BBS7: variants seen among roughly 807,000 people sequenced by gnomAD.
BBS7 encodes the protein Bardet-Biedl syndrome 7, also known as BBSome complex member BBS7.
Under a neutral mutation model 90.3 loss-of-function variants are expected in BBS7, and 50 were observed. That is an observed-to-expected ratio of 0.55 (90% CI 0.44 to 0.70). The LOEUF (loss-of-function observed/expected upper bound fraction) is 0.70, where lower values mean the gene tolerates loss of function less well. BBS7 is among the 30% of genes least tolerant of loss of function. The probability of loss-of-function intolerance (pLI) is 0.00; values close to 1 mark genes in which losing one functional copy is unlikely to be tolerated. For missense variants in BBS7, 729 were observed against 838.9 expected (o/e 0.87, Z 1.62); for synonymous variants, 235 against 287.4 (o/e 0.82, Z 1.85).
intron 18 of BBS7, 75 bp from the exon 19 acceptor site, chr4:121,826,068 G>T: frequency 1.6e-6 from 2 of 1,235,786 alleles, no homozygotes; most frequent in Non-Finnish European, 2.3e-6. Context: ...TAAAGTAATT[G>T]CTTGATAATC....
At chr4:121,853,153 A>G (rs1369172592) in intron 7 of BBS7, 67 bp from the exon 8 acceptor site, 1 of 1,551,454 alleles carries the variant, frequency 6.4e-7, no homozygotes, top group East Asian at 2.3e-5. Context: ...TATGCCAAGT[A>G]AGAATGAAAA....
intron 3 of BBS7, 142 bp downstream of exon 3, chr4:121,863,075 G>T: frequency 1.3e-6 from 1 of 758,888 alleles, no homozygotes; most frequent in Non-Finnish European, 2.2e-6. Context: ...GCTACCCGCA[G>T]ACTCATATCT....
intron 8 of BBS7, among the ~76,000 whole-genome samples, chr4:121,850,998 A>G (rs1224327087): frequency 6.6e-6 from 1 of 152,192 alleles, no homozygotes; most frequent in Non-Finnish European, 1.5e-5. Context: ...TGTGTATAAT[A>G]AAGTCTTCAA....
intron 1 of BBS7, among the ~76,000 whole-genome samples, chr4:121,868,886 A>G (rs960777116): frequency 6.6e-6 from 1 of 152,064 alleles, no homozygotes; most frequent in Non-Finnish European, 1.5e-5. Flanking sequence ...TGGTGAAAAC[A>G]ACACATCATG....
intron 7 of BBS7, 130 bp downstream of exon 7, chr4:121,854,574 G>T (rs1726497834): frequency 2.4e-6 from 2 of 837,688 alleles, no homozygotes; most frequent in Non-Finnish European, 3.4e-6. Flanking sequence ...TAAACAAATA[G>T]TAGATAAATC....
chr4:121,839,910 G>A (rs1049467966), intron 12 of BBS7, among the ~76,000 whole-genome samples: 5 of 152,152 alleles, frequency 3.3e-5, no homozygotes, highest in African/African-American at 9.7e-5. Context: ...GTTATGAGGA[G>A]TTAAATAAAA....
rs1310789225 is a variant in BBS7 at position 121,824,816 on chromosome 4, ATAAC to A, written c.*1040_*1043del. The A allele has an allele frequency of 6.6e-5, 10 of 152,000 alleles. No homozygotes were observed. The highest frequency in any genetic ancestry group is 6.6e-4 in the Admixed American group (10 of 15,260). 9.4% of individuals were successfully genotyped at this position (152,000 alleles called of 1,614,324 possible). ...ATATAAGAATATACAAAGCTTGCACATAACTAATAAGTATAATAGCATATCATTA... is the reference window on the plus strand; with the variant it reads ...ATATAAGAATATACAAAGCTTGCACATAATAAGTATAATAGCATATCATTA... On this transcript the variant is annotated 3_prime_UTR_variant, in exon 19 of 19. Transcript: ENST00000264499. This position sits in a 1 kb window ranked among gnomAD's most constrained non-coding sequence, Gnocchi z 4.1.
intron 13 of BBS7, 67 bp from the exon 14 acceptor site, chr4:121,835,350 C>T: frequency 6.4e-7 from 1 of 1,569,194 alleles, no homozygotes; most frequent in Non-Finnish European, 8.7e-7. Context: ...TTAGAATGTT[C>T]AACATAAGTT....
At chr4:121,833,147 CAAAT>C (rs1339653325) in intron 15 of BBS7, 80 bp downstream of exon 15, 28 of 1,343,942 alleles carry the variant, frequency 2.1e-5, no homozygotes, top group Admixed American at 3.5e-5. Flanking sequence ...AGATTACTCA[CAAAT>C]AACTCCTAAC....
intron 12 of BBS7, 25 bp downstream of exon 12, chr4:121,843,902 A>G: frequency 2.7e-6 from 4 of 1,485,126 alleles, no homozygotes; most frequent in Non-Finnish European, 3.7e-6. Flanking sequence ...AAGCATGTGA[A>G]GAATTCTTTT....
intron 13 of BBS7, among the ~76,000 whole-genome samples, chr4:121,836,143 C>T (rs560271233): frequency 2.0e-5 from 3 of 152,038 alleles, no homozygotes; most frequent in South Asian, 2.1e-4. Flanking sequence ...TATGACTGGC[C>T]GGATATCCTG....
intron 1 of BBS7, 116 bp from the exon 2 acceptor site, chr4:121,868,162 A>G: frequency 1.2e-6 from 1 of 819,800 alleles, no homozygotes; most frequent in Non-Finnish European, 2.1e-6. Flanking sequence ...TATTATCAGT[A>G]ATTAATTTAT....
intron 1 of BBS7, among the ~76,000 whole-genome samples, chr4:121,869,496 C>T (rs773024714): frequency 5.9e-5 from 9 of 152,116 alleles, no homozygotes; most frequent in Non-Finnish European, 8.8e-5. Context: ...GGTAGGTATG[C>T]TAAATTCTTA....
chr4:121,831,844 G>C, intron 15 of BBS7, among the ~76,000 whole-genome samples: 1 of 152,008 alleles, frequency 6.6e-6, no homozygotes, highest in Non-Finnish European at 1.5e-5. Context: ...AGAAGCAAGA[G>C]GTATTCTACT....
chr4:121,869,047 C>T (rs1478392915), intron 1 of BBS7, among the ~76,000 whole-genome samples: 1 of 151,970 alleles, frequency 6.6e-6, no homozygotes, highest in East Asian at 1.9e-4. Context: ...TTCAGGAGCC[C>T]AATTTGGAGG....
chr4:121,862,396 T>C (rs1055982538), intron 3 of BBS7, among the ~76,000 whole-genome samples: 1 of 152,160 alleles, frequency 6.6e-6, no homozygotes, highest in South Asian at 2.1e-4. Context: ...TGGGAGAATA[T>C]GAATAATGGA....
Position 121,845,678 on chromosome 4 carries a change from C to T in BBS7, c.1056G>A (p.Leu352=), listed in dbSNP as rs377163503. The T allele has an allele frequency of 2.5e-6, 4 of 1,612,688 alleles. No individual in the cohort carries two copies. The African/African-American group carries it at 5.3e-5, about 21-fold the overall frequency. ...CTCTTTCCTGCAATACCTTATACTGCAAATGTTCCAACTCATTCCTGGAGA... is the reference window on the plus strand; with the variant it reads ...CTCTTTCCTGCAATACCTTATACTGTAAATGTTCCAACTCATTCCTGGAGA... ...ISSLRNELEH[L]QYKVLQEREN... is the part of the protein sequence containing the mutation. Residue 352 remains leucine (L), a synonymous_variant, in exon 11 of 19, where the codon TTG becomes TTA. Transcript: ENST00000264499.
intron 11 of BBS7, among the ~76,000 whole-genome samples, chr4:121,844,973 T>G (rs1725927374): frequency 1.3e-5 from 2 of 152,190 alleles, no homozygotes; most frequent in Non-Finnish European, 2.9e-5. Context: ...AAGCCCATCT[T>G]TTGTTTGTTA....
Position 121,866,716 on chromosome 4 carries a change from T to C in BBS7, c.102+1265A>G, listed in dbSNP as rs377124892. 3.9e-5 allele frequency among the ~76,000 whole-genome samples: 6 copies of C among 152,338 alleles called. No individual in the cohort carries two copies. In the East Asian group the frequency reaches 1.2e-3, roughly 29 times the overall value. Reference sequence around the variant, plus strand: ...TCCCCAGGGGCTGTTCTTGGCTCTTTTGTCAAAAATCAGTTGGTTGTAGAT... The same window carrying C: ...TCCCCAGGGGCTGTTCTTGGCTCTTCTGTCAAAAATCAGTTGGTTGTAGAT... On this transcript the variant is annotated intron_variant, in intron 2 of 18. Coordinates refer to ENST00000264499, the MANE Select transcript of BBS7 (RefSeq NM_176824.3).
Sources: gnomAD v4.1 joint callset for allele counts (sites outside exome capture counted in the v4.1 genomes callset) on GRCh38, gnomAD v4.1.1 for gene constraint, Gnocchi (gnomAD v3.1) non-coding constraint, MANE v1.5 for transcripts, NCBI Gene and HGNC (gene_info 2026-07-23, HGNC 2026-07-21) for gene names.